The following ZNF385B variants were observed in gnomAD, a reference collection of about 807,000 sequenced individuals.
The protein encoded by ZNF385B is zinc finger protein 385B.
ZNF385B carries 23 observed loss-of-function variants against 39.2 expected under a neutral mutation model. The observed-to-expected ratio is 0.59, with a 90% confidence interval of 0.42 to 0.83. The LOEUF (loss-of-function observed/expected upper bound fraction) is 0.83, where lower values mean the gene tolerates loss of function less well. Ranked by LOEUF, ZNF385B falls within the 40% of genes least tolerant of loss-of-function variation. The pLI is 0.00. For missense variants in ZNF385B, 552 were observed against 598.9 expected (o/e 0.92, Z 0.82); for synonymous variants, 205 against 222.6 (o/e 0.92, Z 0.70).
chr2:179,842,670 C>T (rs1022520675), intron 1 of ZNF385B, among the ~76,000 whole-genome samples: 2 of 151,962 alleles, frequency 1.3e-5, no homozygotes, highest in African/African-American at 4.8e-5. Context: ...AGATGGCAGT[C>T]GAGGCCACCA....
At chr2:179,537,746 C>A (rs1367624175) in intron 4 of ZNF385B, among the ~76,000 whole-genome samples, 10 of 120,966 alleles carry the variant, frequency 8.3e-5, no homozygotes, top group African/African-American at 3.5e-4. Context: ...GTCTCAAAAA[C>A]AAACAAACAA....
At chr2:179,576,041 G>C in intron 3 of ZNF385B, 3 of 652,396 alleles carry the variant, frequency 4.6e-6, no homozygotes, top group Non-Finnish European at 5.7e-6. Context: ...TAAGTTAGAC[G>C]ATGGCAACTC....
At chr2:179,786,647 T>TCC (rs1276650872) in intron 1 of ZNF385B, among the ~76,000 whole-genome samples, 1 of 151,734 alleles carries the variant, frequency 6.6e-6, no homozygotes, top group Non-Finnish European at 1.5e-5. Flanking sequence ...TAAAACCACT[T>TCC]CATCTTCCCT....
chr2:179,768,629 C>T (rs1703839695), intron 3 of ZNF385B, among the ~76,000 whole-genome samples: 1 of 152,142 alleles, frequency 6.6e-6, no homozygotes, highest in Non-Finnish European at 1.5e-5. Flanking sequence ...AGCTCTTCCC[C>T]CACATTTGGG....
chr2:179,720,378 T>G (rs1700604293), intron 3 of ZNF385B, among the ~76,000 whole-genome samples: 1 of 115,136 alleles, frequency 8.7e-6, no homozygotes, highest in South Asian at 2.9e-4. Context: ...GAAAAAGGAG[T>G]AGAGGAAAAG....
chr2:179,663,351 C>A (rs754778878), intron 3 of ZNF385B, among the ~76,000 whole-genome samples: 4 of 152,088 alleles, frequency 2.6e-5, no homozygotes, highest in Non-Finnish European at 4.4e-5. Context: ...AAATGATAAC[C>A]ATTCACCTAC....
At chr2:179,769,874 T>A (rs1703914855) in intron 2 of ZNF385B, 72 bp from the exon 3 acceptor site, 1 of 1,419,228 alleles carries the variant, frequency 7.0e-7, no homozygotes, top group Admixed American at 2.3e-5. Flanking sequence ...TTACAATTAA[T>A]CTTTAAGGGT....
intron 5 of ZNF385B, among the ~76,000 whole-genome samples, chr2:179,493,448 T>C (rs1178482585): frequency 6.6e-6 from 1 of 150,888 alleles, no homozygotes; most frequent in Non-Finnish European, 1.5e-5. Context: ...TATATGCATG[T>C]GTACATGTGT....
intron 1 of ZNF385B, among the ~76,000 whole-genome samples, chr2:179,779,979 G>A (rs1261587384): frequency 6.6e-6 from 1 of 152,212 alleles, no homozygotes; most frequent in South Asian, 2.1e-4. Context: ...CATCTCTAGA[G>A]ATTCTGATTT....
intron 3 of ZNF385B, among the ~76,000 whole-genome samples, chr2:179,751,882 A>C (rs356407): frequency 0.71 from 107,363 of 151,910 alleles, 38,332 homozygotes; most frequent in Admixed American, 0.8. Flanking sequence ...TTTAAAATCT[A>C]CTCAAGCTCA....
intron 3 of ZNF385B, among the ~76,000 whole-genome samples, chr2:179,665,087 C>T (rs1463402390): frequency 2.6e-5 from 4 of 152,150 alleles, no homozygotes; most frequent in Admixed American, 2.6e-4. Context: ...TTCTTCTGGG[C>T]CGTACTGATC....
intron 3 of ZNF385B, among the ~76,000 whole-genome samples, chr2:179,760,181 A>C (rs943746755): frequency 2.6e-5 from 4 of 151,632 alleles, no homozygotes; most frequent in Non-Finnish European, 1.5e-5. Flanking sequence ...TGATGTACAA[A>C]GCTTATTCAG....
intron 3 of ZNF385B, among the ~76,000 whole-genome samples, chr2:179,683,199 C>T (rs1697657619): frequency 6.6e-6 from 1 of 150,614 alleles, no homozygotes. Context: ...ACCAGCCTGG[C>T]CAACACGGTG....
At chr2:179,592,420 C>G (rs1687641984) in intron 3 of ZNF385B, among the ~76,000 whole-genome samples, 1 of 152,168 alleles carries the variant, frequency 6.6e-6, no homozygotes, top group Non-Finnish European at 1.5e-5. Context: ...ATGGGCTGTA[C>G]TATTTTCGTA....
chr2:179,820,958 A>G (rs1430289904), intron 1 of ZNF385B, among the ~76,000 whole-genome samples: 3 of 152,158 alleles, frequency 2.0e-5, no homozygotes, highest in Admixed American at 6.5e-5. Context: ...TCATATTCCT[A>G]TTCTAGAAAT....
Position 179,736,160 on chromosome 2 carries a change from A to G in ZNF385B, c.298+33343T>C, listed in dbSNP as rs1701743135. Among the ~76,000 whole-genome samples, 10 of 152,150 alleles carry G rather than the reference A, an allele frequency of 6.6e-5. No individual in the cohort carries two copies. The South Asian group carries it at 2.1e-3, about 32-fold the overall frequency. On this transcript the variant is annotated intron_variant, in intron 3 of 9. Transcript: ENST00000410066. Reference sequence around the variant, plus strand: ...ACTGTGACAATTACAGCTAATAATTATAGGTTCTGATTAGGTGAAGGACTA... The same window carrying G: ...ACTGTGACAATTACAGCTAATAATTGTAGGTTCTGATTAGGTGAAGGACTA...
intron 6 of ZNF385B, among the ~76,000 whole-genome samples, chr2:179,481,958 T>C (rs182792727): frequency 2.0e-5 from 3 of 152,284 alleles, no homozygotes; most frequent in Admixed American, 6.5e-5. Context: ...TGTCAGAAGG[T>C]TTTGTTCTTT....
At chr2:179,737,074 T>C (rs1701810223) in intron 3 of ZNF385B, among the ~76,000 whole-genome samples, 1 of 152,226 alleles carries the variant, frequency 6.6e-6, no homozygotes, top group Non-Finnish European at 1.5e-5. Context: ...ATTGTTTATT[T>C]ATAGTCTTTA....
intron 3 of ZNF385B, among the ~76,000 whole-genome samples, chr2:179,611,711 A>G (rs1397029831): frequency 1.3e-5 from 2 of 152,002 alleles, no homozygotes; most frequent in Admixed American, 1.3e-4. Context: ...ATTACTTGTT[A>G]TTGGTCTGTT....
Sources: gnomAD v4.1 joint callset for allele counts (sites outside exome capture counted in the v4.1 genomes callset) on GRCh38, gnomAD v4.1.1 for gene constraint, MANE v1.5 for transcripts, NCBI Gene and HGNC (gene_info 2026-07-23, HGNC 2026-07-21) for gene names.